The following RFFL variants were observed in gnomAD, a reference collection of about 807,000 sequenced individuals.
The protein encoded by RFFL is ring finger and FYVE like domain containing E3 ubiquitin protein ligase.
Under a neutral mutation model 40.4 loss-of-function variants are expected in RFFL, and 16 were observed. The ratio of observed to expected loss-of-function variants is 0.40; its 90% CI spans 0.27 to 0.60. The LOEUF (loss-of-function observed/expected upper bound fraction) is 0.60, where lower values mean the gene tolerates loss of function less well. RFFL is among the 20% of genes least tolerant of loss of function. The probability of loss-of-function intolerance (pLI) is 0.47; values close to 1 mark genes in which losing one functional copy is unlikely to be tolerated. For missense variants in RFFL, 367 were observed against 451.7 expected (o/e 0.81, Z 1.70); for synonymous variants, 154 against 167.9 (o/e 0.92, Z 0.64).
Position 35,026,488 on chromosome 17 carries a change from C to G in RFFL, c.66G>C (p.Gln22His). Residue 22 changes from glutamine to histidine, a missense_variant, in exon 2 of 7, where the codon CAG becomes CAC. Physicochemically the swap from Gln to His is conservative, Grantham distance 24. Transcript: ENST00000394597. Reference sequence around the variant, plus strand: ...TGGAATAGGCCTGCATCCTGGCTCCCTGGGGTGGTGGGACCTCCTCAGGCT... The same window carrying G: ...TGGAATAGGCCTGCATCCTGGCTCCGTGGGGTGGTGGGACCTCCTCAGGCT... ...DGQPEEVPPP[Q>H]GARMQAYSNP... is the part of the protein sequence containing the mutation. 4.3e-6 allele frequency: 7 copies of G among 1,612,250 alleles called. No individual in the cohort carries two copies. Among genetic ancestry groups the G allele is most frequent in the Non-Finnish European group, 5.1e-6 (6 of 1,179,412 alleles).
intron 1 of RFFL, among the ~76,000 whole-genome samples, chr17:35,057,025 C>G (rs539426246): frequency 3.7e-4 from 56 of 151,518 alleles, no homozygotes; most frequent in African/African-American, 1.3e-3. Context: ...CAACAATTCT[C>G]CTGCCTCAGC....
At chr17:35,088,994 A>G (rs2091444905) in intron 1 of RFFL, 1 of 152,226 alleles carries the variant, frequency 6.6e-6, no homozygotes, top group Non-Finnish European at 1.5e-5. Flanking sequence ...CGCCCCACAC[A>G]GAGGAAGGGC....
At chr17:35,050,956 G>A (rs2091228578) in intron 1 of RFFL, among the ~76,000 whole-genome samples, 1 of 152,176 alleles carries the variant, frequency 6.6e-6, no homozygotes, top group African/African-American at 2.4e-5. Flanking sequence ...TGGGCAACAT[G>A]AGTGAAATTG....
At chr17:35,058,886 T>C (rs2142365528) in intron 1 of RFFL, among the ~76,000 whole-genome samples, 1 of 152,224 alleles carries the variant, frequency 6.6e-6, no homozygotes, top group East Asian at 1.9e-4. Context: ...GTATCTGGGC[T>C]ATAATTGTGA....
intron 1 of RFFL, among the ~76,000 whole-genome samples, chr17:35,027,203 T>G (rs887386145): frequency 6.6e-6 from 1 of 152,182 alleles, no homozygotes; most frequent in African/African-American, 2.4e-5. Context: ...GTAAAACTAC[T>G]CTTACATTTG....
At chr17:35,041,212 T>A (rs2091163221) in intron 1 of RFFL, among the ~76,000 whole-genome samples, 1 of 152,024 alleles carries the variant, frequency 6.6e-6, no homozygotes, top group Admixed American at 6.6e-5. Context: ...AAGAACAGCC[T>A]CCTAACGGGT....
chr17:35,071,042 C>CA (rs1224310048), intron 1 of RFFL, among the ~76,000 whole-genome samples: 1 of 151,202 alleles, frequency 6.6e-6, no homozygotes, highest in African/African-American at 2.4e-5. Flanking sequence ...ACTAAAAATA[C>CA]AAAAAATTAG....
intron 1 of RFFL, among the ~76,000 whole-genome samples, chr17:35,031,758 A>G (rs925708996): frequency 5.9e-5 from 9 of 151,812 alleles, no homozygotes; most frequent in African/African-American, 1.9e-4. Flanking sequence ...AAGAGAAGGA[A>G]TTTTCAACAG....
intron 1 of RFFL, among the ~76,000 whole-genome samples, chr17:35,031,899 T>C (rs1301997551): frequency 2.0e-5 from 3 of 151,702 alleles, no homozygotes; most frequent in Non-Finnish European, 4.4e-5. Flanking sequence ...ACCAAGACCA[T>C]CCTGGCTAAC....
Position 35,010,901 on chromosome 17 carries a change from C to G in RFFL, c.*1067G>C, listed in dbSNP as rs2090933837. The G allele has an allele frequency of 1.3e-5, 2 of 152,220 alleles. No individual in the cohort carries two copies. Among genetic ancestry groups the G allele is most frequent in the African/African-American group, 4.8e-5 (2 of 41,444 alleles). The allele number at this position is 152,220 out of a possible 1,614,324, so 9.4% of individuals were successfully genotyped here. ...CAGAATCCAGTCTCATTCAGTACCT[C>G]CTGAAAGCTCTTAAGTGCTCTGTCT... On this transcript the variant is annotated 3_prime_UTR_variant, in exon 7 of 7. Coordinates refer to ENST00000394597, the MANE Select transcript of RFFL (RefSeq NM_001017368.2).
intron 1 of RFFL, among the ~76,000 whole-genome samples, chr17:35,055,742 T>A (rs1428355567): frequency 6.6e-6 from 1 of 151,950 alleles, no homozygotes; most frequent in Non-Finnish European, 1.5e-5. Context: ...CATTTCCTTG[T>A]AACTGAAAGT....
intron 1 of RFFL, among the ~76,000 whole-genome samples, chr17:35,087,649 T>G (rs550516780): frequency 6.6e-6 from 1 of 152,328 alleles, no homozygotes; most frequent in East Asian, 1.9e-4. Flanking sequence ...ACATGAACAT[T>G]TTCTTCAATC....
At chr17:35,063,455 C>CAAAAAAAAAA (rs36055947) in intron 1 of RFFL, 121 bp downstream of exon 1, 3 of 46,904 alleles carry the variant, frequency 6.4e-5, no homozygotes, top group African/African-American at 3.0e-4. Flanking sequence ...AACTCCGTCT[C>CAAAAAAAAAA]AAAAAAAAAA....
In RFFL at chr17:35,006,438, C is replaced by T. The variant is rs2090895778; in HGVS notation, c.*5530G>A. The T allele has an allele frequency of 6.6e-6, 1 of 152,500 alleles. No homozygotes were observed. Among genetic ancestry groups the T allele is most frequent in the East Asian group, 1.9e-4 (1 of 5,202 alleles). The allele number at this position is 152,500 out of a possible 1,614,324, so 9.4% of individuals were successfully genotyped here. On this transcript the variant is annotated 3_prime_UTR_variant, in exon 7 of 7. Transcript: ENST00000394597. ...GCAAGTTACGTTAACATCTAAGCCT[C>T]AATCCCTCCAAGTAGAATGGGTGCA...
At chr17:35,072,019 A>T (rs1463912121) in intron 1 of RFFL, among the ~76,000 whole-genome samples, 2 of 152,072 alleles carry the variant, frequency 1.3e-5, no homozygotes, top group African/African-American at 4.8e-5. Flanking sequence ...AGTGGCTCAC[A>T]CCTGTAATAC....
chr17:35,016,445 C>T lies in RFFL; in HGVS notation c.811G>A (p.Gly271Ser). Reference sequence around the variant, plus strand: ...ATCAGCTCCCACTTCTCACAGCAGCCCTTGTAGTTGACAAAGTTGCGAGCC... The same window carrying T: ...ATCAGCTCCCACTTCTCACAGCAGCTCTTGTAGTTGACAAAGTTGCGAGCC... ...ILARNFVNYKGCCEKWELMER... is the reference protein window; with the variant it reads ...ILARNFVNYKSCCEKWELMER... Residue 271 changes from glycine to serine, a missense_variant, in exon 5 of 7, where the codon GGC becomes AGC. Physicochemically the swap from Gly to Ser is moderately conservative, Grantham distance 56. Coordinates refer to ENST00000394597, the MANE Select transcript of RFFL (RefSeq NM_001017368.2). 6.2e-7 allele frequency: 1 copy of T among 1,614,218 alleles called. No individual in the cohort carries two copies. Among genetic ancestry groups the T allele is most frequent in the Non-Finnish European group, 8.5e-7 (1 of 1,180,028 alleles).
chr17:35,015,044 G>A (rs1413507498), intron 5 of RFFL, among the ~76,000 whole-genome samples: 2 of 152,170 alleles, frequency 1.3e-5, no homozygotes, highest in Non-Finnish European at 2.9e-5. Context: ...TTGGCTCACT[G>A]CAACCTCTTT....
At chr17:35,028,645 C>T (rs991794337) in intron 1 of RFFL, among the ~76,000 whole-genome samples, 2 of 152,026 alleles carry the variant, frequency 1.3e-5, no homozygotes, top group Non-Finnish European at 2.9e-5. Context: ...TCAGTTCACA[C>T]AATAGAATGC....
chr17:35,049,993 A>T (rs1567710734), intron 1 of RFFL, among the ~76,000 whole-genome samples: 2 of 151,934 alleles, frequency 1.3e-5, no homozygotes, highest in Non-Finnish European at 2.9e-5. Flanking sequence ...GAGGCAGGAG[A>T]ATTGCTTGAG....
Sources: gnomAD v4.1 joint callset for allele counts (sites outside exome capture counted in the v4.1 genomes callset) on GRCh38, gnomAD v4.1.1 for gene constraint, MANE v1.5 for transcripts, NCBI Gene and HGNC (gene_info 2026-07-23, HGNC 2026-07-21) for gene names.